LPXN: variants seen among roughly 807,000 people sequenced by gnomAD.
The protein encoded by LPXN is leupaxin.
A neutral mutation model predicts 45.6 loss-of-function variants in LPXN; 28 were observed. The observed-to-expected ratio is 0.61, with a 90% CI of 0.45 to 0.84. LPXN has a LOEUF of 0.84. Among genes scored for constraint, LPXN ranks in the 40% least tolerant of loss-of-function variants. The probability of loss-of-function intolerance (pLI) is 0.00; values close to 1 mark genes in which losing one functional copy is unlikely to be tolerated. For synonymous variants in LPXN, 166 were observed against 169.9 expected, an observed-to-expected ratio of 0.98 and a Z score of 0.18; for missense variants, 459 against 475.0, an observed-to-expected ratio of 0.97 and a Z score of 0.31.
At chr11:58,578,188 C>G (rs1854967069), upstream of LPXN, 1 of 1,121,570 alleles carries the variant, frequency 8.9e-7, no homozygotes, top group Non-Finnish European at 1.2e-6. Flanking sequence ...TCCCATCAGA[C>G]CAGCAATTGG....
intron 7 of LPXN, among the ~76,000 whole-genome samples, chr11:58,542,447 G>A (rs916026282): frequency 2.0e-5 from 3 of 151,080 alleles, no homozygotes; most frequent in Admixed American, 1.3e-4. Context: ...TCTACATCAA[G>A]GTTTTTTTTA....
chr11:58,531,920 G>A (rs554962809), intron 7 of LPXN, among the ~76,000 whole-genome samples: 2 of 152,388 alleles, frequency 1.3e-5, no homozygotes, highest in East Asian at 3.9e-4. Flanking sequence ...GCTGGAGCCA[G>A]CTCCCTCTGC....
chr11:58,571,582 G>A (rs1374423203), intron 1 of LPXN, among the ~76,000 whole-genome samples: 3 of 151,284 alleles, frequency 2.0e-5, no homozygotes, highest in Non-Finnish European at 4.4e-5. Context: ...AAATGGTTGG[G>A]GATAAAACTG....
chr11:58,577,982 T>A (rs774428888), upstream of LPXN: 3 of 1,549,028 alleles, frequency 1.9e-6, no homozygotes, highest in East Asian at 7.4e-5. Flanking sequence ...ATTTAGTCGC[T>A]GACCTCTAGG....
At chr11:58,540,261 T>G (rs914953094) in intron 7 of LPXN, among the ~76,000 whole-genome samples, 2 of 152,020 alleles carry the variant, frequency 1.3e-5, no homozygotes, top group African/African-American at 2.4e-5. Context: ...AACAAATAAA[T>G]AGTATAAAAA....
intron 7 of LPXN, among the ~76,000 whole-genome samples, chr11:58,542,582 C>T (rs1853762987): frequency 6.6e-6 from 1 of 151,804 alleles, no homozygotes; most frequent in African/African-American, 2.4e-5. Context: ...AAATATGATA[C>T]TATTGTTAAT....
At chr11:58,572,716 T>G (rs1437518509) in intron 1 of LPXN, among the ~76,000 whole-genome samples, 1 of 152,168 alleles carries the variant, frequency 6.6e-6, no homozygotes, top group Admixed American at 6.5e-5. Flanking sequence ...TACAGTTATA[T>G]GTATAAATAT....
chr11:58,531,959 G>A (rs186549771), intron 7 of LPXN, among the ~76,000 whole-genome samples: 123 of 152,380 alleles, frequency 8.1e-4, no homozygotes, highest in Non-Finnish European at 1.1e-3. Context: ...GGAGAGGCAC[G>A]GGCAGGAACT....
intron 1 of LPXN, among the ~76,000 whole-genome samples, chr11:58,572,360 TACC>T (rs908105599): frequency 6.6e-6 from 1 of 152,132 alleles, no homozygotes; most frequent in Admixed American, 6.5e-5. Context: ...GACTTTTATG[TACC>T]ATTTTAGAGA....
At chr11:58,537,794 T>A (rs1306257699) in intron 7 of LPXN, among the ~76,000 whole-genome samples, 1 of 152,050 alleles carries the variant, frequency 6.6e-6, no homozygotes, top group Non-Finnish European at 1.5e-5. Context: ...TATTATACTT[T>A]AAGTTTTAGG....
intron 2 of LPXN, 121 bp from the exon 3 acceptor site, chr11:58,564,322 C>T (rs1246734116): frequency 2.9e-6 from 2 of 685,846 alleles, no homozygotes; most frequent in Non-Finnish European, 5.1e-6. Flanking sequence ...TGACAAGTGG[C>T]ATATCTATGA....
chr11:58,551,095 A>T lies in LPXN; in HGVS notation c.456T>A (p.Cys152Ter). 6.3e-7 allele frequency: 1 copy of T among 1,589,224 alleles called. No homozygotes were observed. The highest frequency in any genetic ancestry group is 8.6e-7 in the Non-Finnish European group (1 of 1,169,224). ...CAGCAATCGGTTTCTGGCAGGATGC[A>T]CAATGGCCCTTGGGCACTGTGGCAA... is the stretch of plus-strand genomic sequence containing the variant. ...LGIATVPKGHCASCQKPIAGK... is the reference protein window; with the variant it reads ...LGIATVPKGH Residue 152 changes from cysteine (C) to a stop codon, truncating the protein, a stop_gained, in exon 5 of 9, where the codon TGT (cysteine) becomes TGA (stop). Coordinates refer to ENST00000395074, the MANE Select transcript of LPXN (RefSeq NM_004811.3). LOFTEE classifies it high-confidence loss of function.
intron 7 of LPXN, among the ~76,000 whole-genome samples, chr11:58,538,693 G>T (rs1794609827): frequency 6.6e-6 from 1 of 152,038 alleles, no homozygotes; most frequent in Admixed American, 6.5e-5. Context: ...ATGTTAATTT[G>T]CCTAACTGTA....
chr11:58,533,082 C>T (rs1206033469), intron 7 of LPXN, among the ~76,000 whole-genome samples: 1 of 152,138 alleles, frequency 6.6e-6, no homozygotes, highest in Admixed American at 6.6e-5. Context: ...GCCAGCGAAA[C>T]CACAAACCCA....
chr11:58,578,619 G>A (rs1193477199), upstream of LPXN, among the ~76,000 whole-genome samples: 2 of 152,206 alleles, frequency 1.3e-5, no homozygotes, highest in Non-Finnish European at 2.9e-5. Context: ...CCAAAGACAG[G>A]AAAGTGGGGT....
At chr11:58,559,493 C>T (rs866295033) in intron 3 of LPXN, among the ~76,000 whole-genome samples, 26 of 152,250 alleles carry the variant, frequency 1.7e-4, no homozygotes, top group Middle Eastern at 6.8e-3. Flanking sequence ...TAACATGCAA[C>T]TGCTAAGCAG....
chr11:58,528,666 T>C (rs894174504), intron 7 of LPXN, among the ~76,000 whole-genome samples: 1 of 152,210 alleles, frequency 6.6e-6, no homozygotes, highest in African/African-American at 2.4e-5. Flanking sequence ...AAACTAGATA[T>C]TGTTGATCTT....
intron 7 of LPXN, among the ~76,000 whole-genome samples, chr11:58,544,159 A>G (rs1049146641): frequency 6.6e-6 from 1 of 152,194 alleles, no homozygotes; most frequent in African/African-American, 2.4e-5. Context: ...AATGATGTCT[A>G]GGGTCTATTC....
intron 4 of LPXN, among the ~76,000 whole-genome samples, chr11:58,554,304 C>A (rs1230804752): frequency 6.6e-6 from 1 of 152,038 alleles, no homozygotes; most frequent in Non-Finnish European, 1.5e-5. Context: ...CAGAGCAAGA[C>A]TCCATCTCAA....
Sources: allele counts gnomAD v4.1 joint callset (sites outside exome capture counted in the v4.1 genomes callset), GRCh38; gene constraint gnomAD v4.1.1; transcripts MANE v1.5; gene names NCBI Gene and HGNC (gene_info 2026-07-23, HGNC 2026-07-21).